UNC13C: variants seen among roughly 807,000 people sequenced by gnomAD.
UNC13C encodes the protein protein unc-13 homolog C.
Under a neutral mutation model 245.4 loss-of-function variants are expected in UNC13C, and 174 were observed. The observed-to-expected ratio is 0.71, with a 90% CI of 0.63 to 0.80. UNC13C has a LOEUF of 0.80. UNC13C is among the 30% of genes least tolerant of loss of function. The pLI, the probability that UNC13C is intolerant of heterozygous loss-of-function variation, is 0.00. For missense variants in UNC13C, 2,829 were observed against 2,602.9 expected, an observed-to-expected ratio of 1.09 and a Z score of -1.89; for synonymous variants, 992 against 895.1, an observed-to-expected ratio of 1.11 and a Z score of -1.93.
intron 13 of UNC13C, among the ~76,000 whole-genome samples, chr15:54,305,247 G>T (rs1353673453): frequency 6.6e-6 from 1 of 152,032 alleles, no homozygotes; most frequent in African/African-American, 2.4e-5. Flanking sequence ...TTGCCAAAAA[G>T]AAAGTGAAAA....
chr15:54,436,246 A>G (rs1011345441), intron 19 of UNC13C, among the ~76,000 whole-genome samples: 10 of 152,012 alleles, frequency 6.6e-5, no homozygotes, highest in Admixed American at 2.6e-4. Context: ...GCATAATCAA[A>G]TAGCTAAAGA....
chr15:54,255,142 A>G (rs780791727), intron 8 of UNC13C, among the ~76,000 whole-genome samples: 1 of 152,128 alleles, frequency 6.6e-6, no homozygotes, highest in African/African-American at 2.4e-5. Flanking sequence ...GGCATATGTT[A>G]CAGGGTGCTC....
At chr15:54,532,861 A>G (rs1456580856) in intron 25 of UNC13C, 56 bp from the exon 26 acceptor site, 5 of 1,208,032 alleles carry the variant, frequency 4.1e-6, no homozygotes, top group Non-Finnish European at 5.8e-6. Context: ...TGAAATTGGA[A>G]CAGGCTCAGG....
intron 30 of UNC13C, among the ~76,000 whole-genome samples, chr15:54,572,373 A>G (rs759108726): frequency 8.5e-5 from 13 of 152,056 alleles, no homozygotes; most frequent in Non-Finnish European, 1.3e-4. Context: ...TAATAAGCAT[A>G]ATCATTTACC....
In UNC13C at chr15:54,265,267, C is replaced by A. The variant is rs539670210; in HGVS notation, c.3677-88C>A. The A allele has an allele frequency of 5.1e-4, 588 of 1,163,286 alleles. 1 individual carries two copies. Among genetic ancestry groups the A allele is most frequent in the Non-Finnish European group, 6.1e-4 (550 of 894,504 alleles). The allele number at this position is 1,163,286 out of a possible 1,614,324, so 72.1% of individuals were successfully genotyped here. The stretch of plus-strand genomic sequence containing the variant: ...GGGATGCATCTATAAGCCCAAAGAA[C>A]CAAATGACAGAAAAATTGTCTTTGT... On this transcript the variant is annotated intron_variant, in intron 9 of 32. Transcript: ENST00000260323.
At chr15:54,053,979 T>A (rs72739082) in intron 2 of UNC13C, among the ~76,000 whole-genome samples, 55,839 of 152,148 alleles carry the variant, frequency 0.37, 12,587 homozygotes, top group Middle Eastern at 0.53. Context: ...ATCTCATTCT[T>A]TTTTATAGCT....
At chr15:54,528,403 C>T (rs190646519) in intron 25 of UNC13C, among the ~76,000 whole-genome samples, 6 of 150,614 alleles carry the variant, frequency 4.0e-5, no homozygotes. Context: ...AGGAATATTT[C>T]GTAGGCATTA....
chr15:54,274,862 G>A (rs1192668996), intron 10 of UNC13C, among the ~76,000 whole-genome samples: 1 of 151,880 alleles, frequency 6.6e-6, no homozygotes, highest in Non-Finnish European at 1.5e-5. Context: ...AGTAGAGACA[G>A]GGTTTCACCA....
At chr15:54,212,481 T>C (rs1440964607) in intron 4 of UNC13C, among the ~76,000 whole-genome samples, 1 of 151,988 alleles carries the variant, frequency 6.6e-6, no homozygotes, top group Non-Finnish European at 1.5e-5. Context: ...TTAAATTATG[T>C]ACACAATACC....
chr15:54,465,300 T>C (rs774789709), intron 19 of UNC13C, among the ~76,000 whole-genome samples: 3 of 152,102 alleles, frequency 2.0e-5, no homozygotes, highest in Non-Finnish European at 2.9e-5. Context: ...TTAAATGTTA[T>C]AGTATTCATA....
chr15:54,217,521 CTGTTCCTT>C (rs1416674778), intron 4 of UNC13C, among the ~76,000 whole-genome samples: 3 of 152,042 alleles, frequency 2.0e-5, no homozygotes, highest in Non-Finnish European at 4.4e-5. Context: ...TTTCATTAAT[CTGTTCCTT>C]AGTTTGGATG....
chr15:54,522,085 T>G (rs1275393309), intron 24 of UNC13C, among the ~76,000 whole-genome samples: 2 of 151,838 alleles, frequency 1.3e-5, no homozygotes, highest in Non-Finnish European at 2.9e-5. Flanking sequence ...TGAGCGAAAA[T>G]TTGCAAAAGG....
intron 4 of UNC13C, among the ~76,000 whole-genome samples, chr15:54,148,195 G>T (rs1470260581): frequency 2.0e-5 from 3 of 152,086 alleles, no homozygotes; most frequent in Non-Finnish European, 4.4e-5. Flanking sequence ...CTTCTATTTT[G>T]ACCTCATTTT....
chr15:54,525,325 T>C (rs182640124), intron 24 of UNC13C, among the ~76,000 whole-genome samples: 65 of 152,060 alleles, frequency 4.3e-4, no homozygotes, highest in Admixed American at 4.0e-3. Flanking sequence ...CTTGTATGCA[T>C]GCCCTGCATT....
intron 17 of UNC13C, among the ~76,000 whole-genome samples, chr15:54,370,248 A>T (rs919133951): frequency 3.3e-5 from 5 of 152,084 alleles, no homozygotes; most frequent in African/African-American, 1.2e-4. Flanking sequence ...CATTGACCCC[A>T]TTTAGTCTGG....
At chr15:53,933,309 T>C in the UNC13C span, among the ~76,000 whole-genome samples, 1 of 152,168 alleles carries the variant, frequency 6.6e-6, no homozygotes, top group Admixed American at 6.5e-5. Context: ...TTTATAGATA[T>C]ATAATGTACC....
chr15:53,982,453 T>C (rs1262398967), intron 1 of UNC13C, among the ~76,000 whole-genome samples: 4 of 152,104 alleles, frequency 2.6e-5, no homozygotes, highest in Non-Finnish European at 2.9e-5. Context: ...GAAGAACTAA[T>C]GGCTTAGGCA....
intron 17 of UNC13C, among the ~76,000 whole-genome samples, chr15:54,372,505 C>T (rs193109905): frequency 6.6e-6 from 1 of 152,166 alleles, no homozygotes. Flanking sequence ...AATAACCACA[C>T]TCTTGAAGCT....
intron 19 of UNC13C, among the ~76,000 whole-genome samples, chr15:54,462,645 G>T (rs1312116440): frequency 6.6e-6 from 1 of 152,240 alleles, no homozygotes; most frequent in East Asian, 1.9e-4. Flanking sequence ...CTGCCGGCCT[G>T]CCCGCAATGC....
Sources: allele counts gnomAD v4.1 joint callset (sites outside exome capture counted in the v4.1 genomes callset), GRCh38; gene constraint gnomAD v4.1.1; transcripts MANE v1.5; gene names NCBI Gene and HGNC (gene_info 2026-07-23, HGNC 2026-07-21).